SEL1L3: variants seen among roughly 807,000 people sequenced by gnomAD.
SEL1L3 encodes protein sel-1 homolog 3.
In SEL1L3, 76 loss-of-function variants were observed where a neutral mutation model predicts 142.8. The ratio of observed to expected loss-of-function variants is 0.53; its 90% CI spans 0.44 to 0.64. The LOEUF (loss-of-function observed/expected upper bound fraction) is 0.64. Among genes scored for constraint, SEL1L3 ranks in the 30% least tolerant of loss-of-function variants. The pLI is 0.00. For synonymous variants in SEL1L3, 504 were observed against 519.6 expected (o/e 0.97, Z 0.41); for missense variants, 1,262 against 1,381.7 (o/e 0.91, Z 1.37).
intron 1 of SEL1L3, among the ~76,000 whole-genome samples, chr4:25,852,501 T>G (rs959553963): frequency 2.0e-5 from 3 of 152,228 alleles, no homozygotes; most frequent in Non-Finnish European, 2.9e-5. Context: ...CAAATCACAG[T>G]GTTAAGTCCA....
At chr4:25,826,459 T>A (rs1413812994) in intron 6 of SEL1L3, among the ~76,000 whole-genome samples, 2 of 152,176 alleles carry the variant, frequency 1.3e-5, no homozygotes, top group Non-Finnish European at 2.9e-5. Flanking sequence ...GTTCACTGAC[T>A]TGGCCCACTC....
At chr4:25,739,760 ATGTG>A in the SEL1L3 span, among the ~76,000 whole-genome samples, 7,401 of 146,412 alleles carry the variant, frequency 0.051, 205 homozygotes, top group African/African-American at 0.067. Flanking sequence ...AGAAAAAATA[ATGTG>A]TGTGTGTGTG....
At chr4:25,850,286 A>G (rs1228026785) in intron 1 of SEL1L3, among the ~76,000 whole-genome samples, 2 of 152,228 alleles carry the variant, frequency 1.3e-5, no homozygotes, top group Non-Finnish European at 2.9e-5. Context: ...TGTCAATTAG[A>G]AACAAGGCTA....
intron 20 of SEL1L3, among the ~76,000 whole-genome samples, chr4:25,761,706 A>G (rs1213751823): frequency 1.3e-5 from 2 of 152,254 alleles, no homozygotes; most frequent in South Asian, 4.1e-4. Flanking sequence ...ATCACAAGCT[A>G]GTATATGTAA....
At chr4:25,746,515 T>TATATATATATATATATTTAA (rs535369928), downstream of SEL1L3, among the ~76,000 whole-genome samples, 130 of 70,792 alleles carry the variant, frequency 1.8e-3, 6 homozygotes, top group African/African-American at 5.6e-3. Flanking sequence ...TAAATATATA[T>TATATATATATATATATTTAA]ATATATATAT....
chr4:25,841,388 T>C (rs529654880), intron 2 of SEL1L3, among the ~76,000 whole-genome samples: 37 of 152,342 alleles, frequency 2.4e-4, no homozygotes, highest in African/African-American at 8.9e-4. Flanking sequence ...TGTCAAAATG[T>C]CACCTCCTCT....
At chr4:25,820,450 C>T (rs1384109465) in intron 7 of SEL1L3, among the ~76,000 whole-genome samples, 2 of 152,210 alleles carry the variant, frequency 1.3e-5, no homozygotes, top group Non-Finnish European at 2.9e-5. Context: ...CCAAACACAT[C>T]TGAATTAAAG....
chr4:25,831,861 G>A, intron 5 of SEL1L3, among the ~76,000 whole-genome samples: 1 of 152,060 alleles, frequency 6.6e-6, no homozygotes, highest in East Asian at 1.9e-4. Flanking sequence ...TCCTTTACCT[G>A]CTTAATGTTA....
At chr4:25,786,559 A>G (rs1373970502) in intron 13 of SEL1L3, among the ~76,000 whole-genome samples, 3 of 152,108 alleles carry the variant, frequency 2.0e-5, no homozygotes, top group Non-Finnish European at 2.9e-5. Flanking sequence ...TTATCTTTGG[A>G]CAGCGATCGG....
intron 6 of SEL1L3, among the ~76,000 whole-genome samples, chr4:25,823,153 C>T (rs1427479670): frequency 6.6e-6 from 1 of 152,116 alleles, no homozygotes; most frequent in Non-Finnish European, 1.5e-5. Flanking sequence ...GGCTTGGGAG[C>T]AAGATATTTA....
At chr4:25,856,609 A>AC (rs1717283283) in intron 1 of SEL1L3, among the ~76,000 whole-genome samples, 1 of 151,164 alleles carries the variant, frequency 6.6e-6, no homozygotes. Context: ...AAAAAAAAAA[A>AC]AAAACAAAGA....
Position 25,784,259 on chromosome 4 carries a change from G to A in SEL1L3, c.2249C>T (p.Ala750Val), listed in dbSNP as rs760073990. The A allele has an allele frequency of 1.2e-6, 2 of 1,613,580 alleles. No individual in the cohort carries two copies. The highest frequency in any genetic ancestry group is 1.7e-6 in the Non-Finnish European group (2 of 1,179,718). The change falls in exon 14 of 24, where the codon GCC becomes GTC. Residue 750 changes from alanine (A) to valine (V), a missense_variant. By Grantham distance (64) the Ala-to-Val change is moderately conservative. Coordinates refer to ENST00000399878, the MANE Select transcript of SEL1L3 (RefSeq NM_015187.5). ...GQGVKKNRRL[A>V]LELMKKAASK... ...AGCTGCTTTCTTCATCAGCTCTAAG[G>A]CAAGCCGTCTGTTCTTTTTTACTCC...
chr4:25,728,700 G>C, the SEL1L3 span, among the ~76,000 whole-genome samples: 1 of 152,000 alleles, frequency 6.6e-6, no homozygotes, highest in Non-Finnish European at 1.5e-5. Flanking sequence ...GCTGAAGCGG[G>C]AGGATCACTT....
intron 13 of SEL1L3, among the ~76,000 whole-genome samples, chr4:25,785,791 G>A (rs977277033): frequency 1.3e-5 from 2 of 152,102 alleles, no homozygotes; most frequent in Non-Finnish European, 2.9e-5. Context: ...GAACGTTAGC[G>A]CCTGGTTGAA....
intron 13 of SEL1L3, among the ~76,000 whole-genome samples, chr4:25,785,100 C>T (rs1177388371): frequency 6.6e-6 from 1 of 152,154 alleles, no homozygotes; most frequent in South Asian, 2.1e-4. Context: ...TACTGATACC[C>T]CCAATCCCCA....
Position 25,802,440 on chromosome 4 carries a change from C to G in SEL1L3, c.1799G>C (p.Gly600Ala). Residue 600 changes from glycine (G) to alanine (A), a missense_variant, in exon 11 of 24, where the codon GGA becomes GCA. Around this residue, in one of 3 missense-constraint regions of SEL1L3, gnomAD observed 435 missense variants for 559.2 expected, o/e 0.78. Transcript: ENST00000399878. ...AGACAGCCTCTCACTCCCCTGGCCT[C>G]CAACCAAACTATACAACATGCCCTG... is the stretch of plus-strand genomic sequence containing the variant. ...QLQGMLYSLV[G>A]GQGSERLSSM... 1 of 1,613,492 alleles carries G rather than the reference C, an allele frequency of 6.2e-7. No individual in the cohort carries two copies.
intron 23 of SEL1L3, among the ~76,000 whole-genome samples, chr4:25,752,306 A>T (rs1717652642): frequency 6.7e-6 from 1 of 149,644 alleles, no homozygotes; most frequent in Admixed American, 6.8e-5. Context: ...AGTCCCAGCT[A>T]CTCAGGAGGC....
chr4:25,811,811 AT>A (rs1185837170), intron 9 of SEL1L3, among the ~76,000 whole-genome samples: 3 of 148,088 alleles, frequency 2.0e-5, no homozygotes, highest in Non-Finnish European at 3.0e-5. Context: ...GTGAGGTATA[AT>A]TTATTTTTGT....
chr4:25,783,943 A>G lies in SEL1L3; in HGVS notation c.2280+285T>C, dbSNP rs1473395457. Among the ~76,000 whole-genome samples the G allele has an allele frequency of 2.0e-5, 3 of 152,128 alleles. No individual in the cohort carries two copies. The East Asian group carries it at 5.8e-4, about 29-fold the overall frequency. ...CTTGTTATCAGGGCAGCTCCTGATTATAATTTTAGCCTTCAAACAAAATCA... is the reference window on the plus strand; with the variant it reads ...CTTGTTATCAGGGCAGCTCCTGATTGTAATTTTAGCCTTCAAACAAAATCA... On this transcript the variant is annotated intron_variant, in intron 14 of 23. Transcript: ENST00000399878.
Sources: allele counts gnomAD v4.1 joint callset (sites outside exome capture counted in the v4.1 genomes callset), GRCh38; gene constraint gnomAD v4.1.1; regional missense constraint gnomAD v4.1.1; transcripts MANE v1.5; gene names NCBI Gene and HGNC (gene_info 2026-07-23, HGNC 2026-07-21).